Variants in UGT1A9 observed in about 807,000 individuals in gnomAD.
UGT1A9 encodes the protein UDP-glucuronosyltransferase 1A9.
UGT1A9 carries 35 observed loss-of-function variants against 45.0 expected under a neutral mutation model. The observed-to-expected ratio is 0.78, with a 90% CI of 0.59 to 1.03. UGT1A9 has a LOEUF of 1.03. Among genes scored for constraint, UGT1A9 ranks in the 50% least tolerant of loss-of-function variants. UGT1A9 has a pLI of 0.00. For synonymous variants in UGT1A9, 278 were observed against 250.6 expected (o/e 1.11, Z -1.03); for missense variants, 687 against 666.6 (o/e 1.03, Z -0.34).
chr2:233,691,465 C>A (rs2075044016), intron 1 of UGT1A9: 1 of 985,664 alleles, frequency 1.0e-6, no homozygotes, highest in Non-Finnish European at 1.2e-6. Context: ...CCCCAGAACA[C>A]CTCCGGTGCC....
rs767620587 is a variant in UGT1A9, at chr2:233,754,884, G to C, written c.856-12150G>C. 5.9e-6 allele frequency: 8 copies of C among 1,350,598 alleles called. No homozygotes were observed. In the Admixed American group the frequency reaches 7.6e-5, roughly 13 times the overall value. The allele number at this position is 1,350,598 out of a possible 1,614,324, so 83.7% of individuals were successfully genotyped here. A position where few individuals can be genotyped will look rare whatever the true frequency, so the allele number is the denominator to read the frequency against. ...AGACCCTCTGCTTCTGCTTCCCAGG[G>C]AGTTCCTCTGACCCCCCAAAATATT... On this transcript the variant is annotated intron_variant, in intron 1 of 4. Coordinates refer to ENST00000354728, the MANE Select transcript of UGT1A9 (RefSeq NM_021027.3).
chr2:233,718,923 C>G, intron 1 of UGT1A9: 1 of 1,614,082 alleles, frequency 6.2e-7, no homozygotes, highest in Admixed American at 1.7e-5. Context: ...GTTGGTGGTG[C>G]CCACTGATGG....
intron 1 of UGT1A9, chr2:233,692,960 G>A: frequency 1.2e-6 from 2 of 1,608,304 alleles, no homozygotes; most frequent in Non-Finnish European, 1.7e-6. Flanking sequence ...GTGATTTGGA[G>A]AGTGAAAACT....
chr2:233,682,791 T>C lies in UGT1A9; in HGVS notation c.855+10002T>C, dbSNP rs147013594. ...TGTCATCAGGGAAAGCCAGTGCCTA[T>C]GGTAAGTTATCTCCCCTTTAGCACA... On this transcript the variant is annotated intron_variant, in intron 1 of 4. Transcript: ENST00000354728. The C allele has an allele frequency of 5.0e-6, 8 of 1,611,538 alleles. No homozygotes were observed. The African/African-American group carries it at 1.1e-4, about 22-fold the overall frequency.
intron 1 of UGT1A9, among the ~76,000 whole-genome samples, chr2:233,696,404 G>C (rs1446347115): frequency 4.6e-5 from 7 of 152,118 alleles, no homozygotes; most frequent in Non-Finnish European, 8.8e-5. Flanking sequence ...TTGTAAATGG[G>C]GTTGATTTCC....
chr2:233,752,430 A>C (rs1694969387), intron 1 of UGT1A9: 2 of 152,050 alleles, frequency 1.3e-5, no homozygotes, highest in African/African-American at 4.8e-5. Context: ...GATTTATCGA[A>C]CCCTTTTATA....
rs765390164 is a variant in UGT1A9 at position 233,768,290 on chromosome 2, C to T, written c.1146C>T (p.Gly382=). ...SHGVYESICN[G]VPMVMMPLFG... is the part of the protein sequence containing the mutation. Reference sequence around the variant, plus strand: ...GTGTTTATGAAAGCATATGCAATGGCGTTCCCATGGTGATGATGCCCTTGT... The same window carrying T: ...GTGTTTATGAAAGCATATGCAATGGTGTTCCCATGGTGATGATGCCCTTGT... Residue 382 remains glycine, a synonymous_variant, in exon 4 of 5, where the codon GGC becomes GGT. Coordinates refer to ENST00000354728, the MANE Select transcript of UGT1A9 (RefSeq NM_021027.3). The T allele has an allele frequency of 5.0e-6, 8 of 1,614,064 alleles. No individual in the cohort carries two copies. Among genetic ancestry groups the T allele is most frequent in the African/African-American group, 2.7e-5 (2 of 74,922 alleles).
rs764832601 is a variant in UGT1A9 at position 233,682,041 on chromosome 2, G to A, written c.855+9252G>A. On this transcript the variant is annotated intron_variant, in intron 1 of 4. Transcript: ENST00000354728. ...AAGCTGCTGGTAGTGCCCATGGATG[G>A]GAGCCACTGGTTCACCATGCAGTCG... The A allele has an allele frequency of 3.1e-6, 5 of 1,614,116 alleles. No homozygotes were observed. The Admixed American group carries it at 8.3e-5, about 27-fold the overall frequency.
At chr2:233,709,349 A>C (rs1242189375) in intron 1 of UGT1A9, among the ~76,000 whole-genome samples, 3 of 152,182 alleles carry the variant, frequency 2.0e-5, no homozygotes. Flanking sequence ...TAAACCTATT[A>C]CTATATAGAT....
chr2:233,757,550 A>ATATATATATATATATATAT (rs1696620678), intron 1 of UGT1A9, among the ~76,000 whole-genome samples: 1 of 129,576 alleles, frequency 7.7e-6, no homozygotes, highest in Non-Finnish European at 1.6e-5. Context: ...ATATATATAT[A>ATATATATATATATATATAT]TATATATATA....
rs527483899 is a variant in UGT1A9 at position 233,768,298 on chromosome 2, T to C, written c.1154T>C (p.Met385Thr). Reference sequence around the variant, plus strand: ...GAAAGCATATGCAATGGCGTTCCCATGGTGATGATGCCCTTGTTTGGTGAT... The same window carrying C: ...GAAAGCATATGCAATGGCGTTCCCACGGTGATGATGCCCTTGTTTGGTGAT... ...VYESICNGVP[M>T]VMMPLFGDQM... The change falls in exon 4 of 5, where the codon ATG becomes ACG. Residue 385 changes from methionine to threonine, a missense_variant. Physicochemically the swap from Met to Thr is moderately conservative, Grantham distance 81. Coordinates refer to ENST00000354728, the MANE Select transcript of UGT1A9 (RefSeq NM_021027.3). 2.2e-5 allele frequency: 35 copies of C among 1,614,192 alleles called. No individual in the cohort carries two copies. In the South Asian group the frequency reaches 3.4e-4, roughly 16 times the overall value.
In UGT1A9 at chr2:233,716,496, CA is replaced by C. The variant is rs1188662406; in HGVS notation, c.855+43708del. On this transcript the variant is annotated intron_variant, in intron 1 of 4. Transcript: ENST00000354728. Reference sequence around the variant, plus strand: ...CTGTCCTCCGTAGTCTTCTATTCTCCAGGCTTCAGAGCTCTCAGCTTACCAT... The same window carrying C: ...CTGTCCTCCGTAGTCTTCTATTCTCCGGCTTCAGAGCTCTCAGCTTACCAT... Among the ~76,000 whole-genome samples the C allele has an allele frequency of 2.0e-5, 3 of 152,150 alleles. No individual in the cohort carries two copies. In the East Asian group the frequency reaches 5.8e-4, roughly 29 times the overall value.
At position 233,693,134 on chromosome 2, in the gene UGT1A9, G is replaced by A. The variant is rs767703127; in HGVS notation, c.855+20345G>A. On this transcript the variant is annotated intron_variant, in intron 1 of 4. Transcript: ENST00000354728. ...CGGAAGCCACTGGCTTAGTATGAAG[G>A]ATATAGTTGAGGTTCTCAGTGACCG... 19 of 1,614,202 alleles carry A rather than the reference G, an allele frequency of 1.2e-5. No homozygotes were observed. Among genetic ancestry groups the A allele is most frequent in the Admixed American group, 1.7e-5 (1 of 60,028 alleles).
chr2:233,713,916 G>A, intron 1 of UGT1A9: 2 of 1,612,412 alleles, frequency 1.2e-6, no homozygotes, highest in Non-Finnish European at 1.7e-6. Flanking sequence ...TTTAAAAAAT[G>A]TATTTACTTA....
Position 233,747,869 on chromosome 2 carries a change from C to T in UGT1A9, c.856-19165C>T, listed in dbSNP as rs1693798150. The T allele has an allele frequency of 2.5e-6, 4 of 1,613,468 alleles. No individual in the cohort carries two copies. In the Admixed American group the frequency reaches 6.7e-5, roughly 27 times the overall value. Reference sequence around the variant, plus strand: ...TCAAGAACATGCTCTACCCTCTGGCCCTGTCCTACCTTTGCCATGCTCTTT... The same window carrying T: ...TCAAGAACATGCTCTACCCTCTGGCTCTGTCCTACCTTTGCCATGCTCTTT... On this transcript the variant is annotated intron_variant, in intron 1 of 4. Coordinates refer to ENST00000354728, the MANE Select transcript of UGT1A9 (RefSeq NM_021027.3).
At chr2:233,691,640 G>T (rs2075050840) in intron 1 of UGT1A9, 1 of 985,538 alleles carries the variant, frequency 1.0e-6, no homozygotes, top group Non-Finnish European at 1.2e-6. Flanking sequence ...TAGCAGGCAG[G>T]GCCAGTGTGA....
intron 1 of UGT1A9, among the ~76,000 whole-genome samples, chr2:233,734,479 AT>A (rs1271707890): frequency 6.6e-6 from 1 of 151,796 alleles, no homozygotes; most frequent in Non-Finnish European, 1.5e-5. Flanking sequence ...GGATTCATTG[AT>A]TTTTTTGAAG....
chr2:233,704,256 CTTTTTTT>C (rs59925871), intron 1 of UGT1A9, among the ~76,000 whole-genome samples: 3 of 123,680 alleles, frequency 2.4e-5, no homozygotes, highest in African/African-American at 9.8e-5. Context: ...GCCTTTATTG[CTTTTTTT>C]TTTTTTTTGC....
intron 1 of UGT1A9, among the ~76,000 whole-genome samples, chr2:233,736,159 G>C (rs1376053272): frequency 6.6e-6 from 1 of 152,194 alleles, no homozygotes; most frequent in Non-Finnish European, 1.5e-5. Context: ...GTCAAACGTA[G>C]ATTTGGTCTT....
Sources: gnomAD v4.1 joint callset for allele counts (sites outside exome capture counted in the v4.1 genomes callset) on GRCh38, gnomAD v4.1.1 for gene constraint, MANE v1.5 for transcripts, NCBI Gene and HGNC (gene_info 2026-07-23, HGNC 2026-07-21) for gene names.